Variants in IQGAP1 observed in about 807,000 individuals in gnomAD.
IQGAP1 encodes IQ motif containing GTPase activating protein 1, also known as ras GTPase-activating-like protein IQGAP1.
A neutral mutation model predicts 215.6 loss-of-function variants in IQGAP1; 66 were observed. The observed-to-expected ratio is 0.31, with a 90% CI of 0.25 to 0.38. The LOEUF is 0.38. Ranked by LOEUF, IQGAP1 falls within the 10% of genes least tolerant of loss-of-function variation. The pLI, the probability that IQGAP1 is intolerant of heterozygous loss-of-function variation, is 1.00. For synonymous variants in IQGAP1, 772 were observed against 728.7 expected, an observed-to-expected ratio of 1.06 and a Z score of -0.96; for missense variants, 1,712 against 1,997.1, an observed-to-expected ratio of 0.86 and a Z score of 2.72.
chr15:90,402,162 A>T (rs1567114229), intron 2 of IQGAP1, among the ~76,000 whole-genome samples: 1 of 152,194 alleles, frequency 6.6e-6, no homozygotes, highest in African/African-American at 2.4e-5. Flanking sequence ...CCTGAGGGAA[A>T]GTCTCCAGTT....
intron 18 of IQGAP1, among the ~76,000 whole-genome samples, 184 bp downstream of exon 18, chr15:90,467,776 A>G (rs1261887920): frequency 6.6e-6 from 1 of 152,194 alleles, no homozygotes; most frequent in Non-Finnish European, 1.5e-5. Context: ...AATTTGTAAA[A>G]CATCTGAATT....
chr15:90,465,850 C>T, intron 15 of IQGAP1, 151 bp from the exon 16 acceptor site: 2 of 642,522 alleles, frequency 3.1e-6, no homozygotes, highest in Non-Finnish European at 5.5e-6. Context: ...TTTTTGATGC[C>T]TCCTTCTTCC....
At chr15:90,407,637 A>G (rs1467542290) in intron 2 of IQGAP1, among the ~76,000 whole-genome samples, 2 of 152,222 alleles carry the variant, frequency 1.3e-5, no homozygotes, top group African/African-American at 4.8e-5. Flanking sequence ...TTTTCTCGTT[A>G]TTTAAAAACA....
At chr15:90,420,600 T>C (rs1965119582) in intron 2 of IQGAP1, among the ~76,000 whole-genome samples, 1 of 152,086 alleles carries the variant, frequency 6.6e-6, no homozygotes, top group African/African-American at 2.4e-5. Flanking sequence ...AGTGGAGGAA[T>C]TGAGATGGGC....
chr15:90,500,163 C>T lies in IQGAP1; in HGVS notation c.*55C>T, dbSNP rs893484606. ...GAAGGAAAGAAGCACCTCACAGCTC[C>T]TTTCTAGGTCCTTCTTTCCTCATTG... On this transcript the variant is annotated 3_prime_UTR_variant, in exon 38 of 38. Transcript: ENST00000268182. 8.3e-6 allele frequency: 8 copies of T among 961,118 alleles called. No homozygotes were observed. Among genetic ancestry groups the T allele is most frequent in the African/African-American group, 4.9e-5 (3 of 61,656 alleles). 59.5% of individuals were successfully genotyped at this position (961,118 alleles called of 1,614,324 possible).
chr15:90,450,117 C>T (rs62020730), intron 11 of IQGAP1, among the ~76,000 whole-genome samples: 17,442 of 151,978 alleles, frequency 0.11, 1,048 homozygotes, highest in Non-Finnish European at 0.13. Context: ...ATTTTGTACC[C>T]GTTAGCCAAC....
chr15:90,408,153 C>G (rs905188828), intron 2 of IQGAP1, among the ~76,000 whole-genome samples: 14 of 152,166 alleles, frequency 9.2e-5, no homozygotes, highest in Admixed American at 1.3e-4. Flanking sequence ...CTTTCCACTT[C>G]CTGGTACCCA....
chr15:90,429,965 A>G (rs114912430), intron 4 of IQGAP1: 2,260 of 201,452 alleles, frequency 0.011, 42 homozygotes, highest in African/African-American at 0.048. Flanking sequence ...ATGCTGTGAG[A>G]TTCACCATTT....
intron 2 of IQGAP1, among the ~76,000 whole-genome samples, chr15:90,402,484 A>G (rs577806008): frequency 2.2e-4 from 34 of 152,316 alleles, no homozygotes; most frequent in Non-Finnish European, 3.5e-4. Flanking sequence ...CAGAAGGAAT[A>G]TTGGAGAGGC....
chr15:90,481,030 C>T (rs187863179), intron 26 of IQGAP1, among the ~76,000 whole-genome samples: 28 of 152,218 alleles, frequency 1.8e-4, no homozygotes, highest in African/African-American at 6.0e-4. Context: ...TTAAAACAAC[C>T]GAAAGTCATG....
chr15:90,483,449 G>A lies in IQGAP1; in HGVS notation c.3644G>A (p.Gly1215Asp). ...GACATCATTGACCTGTCAGCAGGAG[G>A]CCAGCTTACCACAGACCAACGCCGA... is the stretch of plus-strand genomic sequence containing the variant. The part of the protein sequence containing the change: ...AFDIIDLSAG[G>D]QLTTDQRRNL... The change falls in exon 29 of 38, where the codon GGC becomes GAC. Residue 1215 changes from glycine (G) to aspartate (D), a missense_variant. Coordinates refer to ENST00000268182, the MANE Select transcript of IQGAP1 (RefSeq NM_003870.4). 6.2e-7 allele frequency: 1 copy of A among 1,614,136 alleles called. No individual in the cohort carries two copies. Among genetic ancestry groups the A allele is most frequent in the African/African-American group, 1.3e-5 (1 of 75,016 alleles).
At chr15:90,458,325 G>C (rs1965715265) in intron 15 of IQGAP1, among the ~76,000 whole-genome samples, 1 of 152,138 alleles carries the variant, frequency 6.6e-6, no homozygotes, top group Admixed American at 6.5e-5. Context: ...TTCATGAGTT[G>C]ATGACATATG....
At position 90,472,874 on chromosome 15, in the gene IQGAP1, G is replaced by C; in HGVS notation, c.2213G>C (p.Arg738Pro). ...SISGVTAAYN[R>P]EQLWLANEGL... ...TCTGGGGTGACTGCCGCATATAACC[G>C]AGAACAGCTGTGGCTGGCCAATGAA... The change falls in exon 19 of 38, where the codon CGA becomes CCA. Residue 738 changes from arginine (R) to proline (P), a missense_variant. Arg to Pro is a moderately radical substitution (Grantham distance 103). Coordinates refer to ENST00000268182, the MANE Select transcript of IQGAP1 (RefSeq NM_003870.4). The C allele has an allele frequency of 6.2e-7, 1 of 1,613,642 alleles. No homozygotes were observed. Among genetic ancestry groups the C allele is most frequent in the African/African-American group, 1.3e-5 (1 of 74,980 alleles).
In IQGAP1 at chr15:90,496,306, C is replaced by CTTTTTTTTTTTTTTTTTTTTT. The variant is rs552222380; in HGVS notation, c.4752-917_4752-897dup. On this transcript the variant is annotated intron_variant, in intron 36 of 37. Coordinates refer to ENST00000268182, the MANE Select transcript of IQGAP1 (RefSeq NM_003870.4). ...GATCATCCAGAGAACAGCATAATCCCTTTTTTTTTTTTTTTTTTTTTTTTT... is the reference window on the plus strand; with the variant it reads ...GATCATCCAGAGAACAGCATAATCCCTTTTTTTTTTTTTTTTTTTTTTTTTTTTTTTTTTTTTTTTTTTTTT... Among the ~76,000 whole-genome samples the CTTTTTTTTTTTTTTTTTTTTT allele has an allele frequency of 2.8e-4, 30 of 106,114 alleles. 1 individual carries two copies. Among genetic ancestry groups the CTTTTTTTTTTTTTTTTTTTTT allele is most frequent in the African/African-American group, 1.2e-3 (26 of 22,582 alleles). 69.6% of individuals were successfully genotyped at this position (106,114 alleles called of 152,430 possible). A position where few individuals can be genotyped will look rare whatever the true frequency, so the allele number is the denominator to read the frequency against.
rs186042178 is a variant in IQGAP1 at position 90,478,894 on chromosome 15, G to A, written c.3329+1005G>A. 5.5e-3 allele frequency among the ~76,000 whole-genome samples: 842 copies of A among 152,340 alleles called. 6 individuals carry two copies. Among genetic ancestry groups the A allele is most frequent in the African/African-American group, 0.019 (807 of 41,578 alleles). On this transcript the variant is annotated intron_variant, in intron 26 of 37. Coordinates refer to ENST00000268182, the MANE Select transcript of IQGAP1 (RefSeq NM_003870.4). ...AATTAACGTATTACAGGAGATAGCT[G>A]AGCTAGGGCCATAGCGTAACCACCA...
intron 9 of IQGAP1, among the ~76,000 whole-genome samples, chr15:90,446,099 T>C (rs1965524721): frequency 6.6e-6 from 1 of 152,232 alleles, no homozygotes; most frequent in Non-Finnish European, 1.5e-5. Flanking sequence ...AAATATAAAC[T>C]GGAGTGTCCT....
At chr15:90,435,447 G>A (rs1466312899) in intron 5 of IQGAP1, among the ~76,000 whole-genome samples, 2 of 152,214 alleles carry the variant, frequency 1.3e-5, no homozygotes, top group East Asian at 3.8e-4. Flanking sequence ...CTGCACTTCA[G>A]CCTGGATGAC....
intron 13 of IQGAP1, 115 bp downstream of exon 13, chr15:90,453,407 T>G (rs1596274208): frequency 1.3e-6 from 1 of 786,394 alleles, no homozygotes; most frequent in East Asian, 2.8e-5. Context: ...GGTCATACTT[T>G]TGTTTGGTTC....
chr15:90,500,067 C>T lies in IQGAP1; in HGVS notation c.4933C>T (p.Leu1645Phe). 1 of 1,611,756 alleles carries T rather than the reference C, an allele frequency of 6.2e-7. No homozygotes were observed. Among genetic ancestry groups the T allele is most frequent in the Non-Finnish European group, 8.5e-7 (1 of 1,177,838 alleles). The part of the protein sequence containing the change: ...LFDRAKVNVN[L>F]LIFLLNKKFY... The stretch of plus-strand genomic sequence containing the variant: ...TGATAGAGCTAAAGTAAATGTCAAC[C>T]TCCTGATCTTCCTTCTCAACAAAAA... The change falls in exon 38 of 38, where the codon CTC (leucine) becomes TTC (phenylalanine). Residue 1645 changes from leucine to phenylalanine, a missense_variant. By Grantham distance (22) the Leu-to-Phe change is conservative. Transcript: ENST00000268182.
Sources: gnomAD v4.1 joint callset for allele counts (sites outside exome capture counted in the v4.1 genomes callset) on GRCh38, gnomAD v4.1.1 for gene constraint, MANE v1.5 for transcripts, NCBI Gene and HGNC (gene_info 2026-07-23, HGNC 2026-07-21) for gene names.